CCSER1: variants seen among roughly 807,000 people sequenced by gnomAD.
The protein encoded by CCSER1 is coiled-coil serine rich protein 1.
In CCSER1, 41 loss-of-function variants were observed where a neutral mutation model predicts 82.0. The observed-to-expected ratio is 0.50, with a 90% CI of 0.39 to 0.65. The LOEUF (loss-of-function observed/expected upper bound fraction) is 0.65, where lower values mean the gene tolerates loss of function less well. Among genes scored for constraint, CCSER1 ranks in the 30% least tolerant of loss-of-function variants. The probability of loss-of-function intolerance (pLI) is 0.00; values close to 1 mark genes in which losing one functional copy is unlikely to be tolerated. For synonymous variants in CCSER1, 414 were observed against 383.9 expected, an observed-to-expected ratio of 1.08 and a Z score of -0.92; for missense variants, 1,119 against 1,064.2, an observed-to-expected ratio of 1.05 and a Z score of -0.72.
rs55717979 is a variant in CCSER1, at chr4:90,330,964, C to T, written c.1509+17917C>T. On this transcript the variant is annotated intron_variant, in intron 3 of 10. Transcript: ENST00000509176. Reference sequence around the variant, plus strand: ...GACTATTAAGTAATTTTTAGGAAATCAGAACAAGCGACCTATTCAAATGAT... The same window carrying T: ...GACTATTAAGTAATTTTTAGGAAATTAGAACAAGCGACCTATTCAAATGAT... Among the ~76,000 whole-genome samples, 533 of 152,148 alleles carry T rather than the reference C, an allele frequency of 3.5e-3. 3 individuals are homozygous for T. Among genetic ancestry groups the T allele is most frequent in the African/African-American group, 0.012 (504 of 41,526 alleles).
At chr4:90,486,774 G>T (rs1484375163) in intron 5 of CCSER1, among the ~76,000 whole-genome samples, 1 of 152,182 alleles carries the variant, frequency 6.6e-6, no homozygotes, top group Admixed American at 6.5e-5. Flanking sequence ...TATGAAGACT[G>T]TATAATTGGG....
chr4:90,442,176 C>T (rs905615222), intron 4 of CCSER1, among the ~76,000 whole-genome samples: 1 of 151,960 alleles, frequency 6.6e-6, no homozygotes, highest in Admixed American at 6.6e-5. Flanking sequence ...GGGGGGTCAT[C>T]ATTCTTAAGA....
At chr4:91,472,854 G>T (rs1422101266) in intron 10 of CCSER1, among the ~76,000 whole-genome samples, 2 of 152,222 alleles carry the variant, frequency 1.3e-5, no homozygotes, top group East Asian at 3.9e-4. Context: ...ATTTCCTCTG[G>T]ACACTGTTCT....
intron 10 of CCSER1, among the ~76,000 whole-genome samples, chr4:91,544,916 C>T (rs1323453268): frequency 6.6e-6 from 1 of 152,272 alleles, no homozygotes; most frequent in South Asian, 2.1e-4. Flanking sequence ...TTGGAGTCTA[C>T]AGAGGCAGGC....
intron 5 of CCSER1, among the ~76,000 whole-genome samples, chr4:90,469,278 A>T (rs1247059973): frequency 6.6e-6 from 1 of 152,016 alleles, no homozygotes; most frequent in African/African-American, 2.4e-5. Flanking sequence ...GAATAGGGCA[A>T]TGTATATATT....
intron 10 of CCSER1, among the ~76,000 whole-genome samples, chr4:91,227,719 T>C (rs1337011190): frequency 6.6e-6 from 1 of 151,866 alleles, no homozygotes; most frequent in Non-Finnish European, 1.5e-5. Flanking sequence ...TCCATCTTCA[T>C]GTCCACGTGT....
chr4:90,591,229 G>A (rs1560773364), intron 5 of CCSER1, among the ~76,000 whole-genome samples: 1 of 152,128 alleles, frequency 6.6e-6, no homozygotes, highest in East Asian at 1.9e-4. Context: ...CATGTCATCT[G>A]CAAACAGAGA....
intron 1 of CCSER1, among the ~76,000 whole-genome samples, chr4:90,136,952 A>G (rs902278049): frequency 6.6e-6 from 1 of 152,306 alleles, no homozygotes; most frequent in East Asian, 1.9e-4. Context: ...TATTTCAGGT[A>G]AAGTTTCAAT....
At chr4:91,582,066 A>T (rs1763753622) in intron 10 of CCSER1, among the ~76,000 whole-genome samples, 1 of 151,740 alleles carries the variant, frequency 6.6e-6, no homozygotes, top group South Asian at 2.1e-4. Flanking sequence ...ATAGAATCTA[A>T]TTTGAAAGTA....
At chr4:91,339,386 G>A (rs1415034053) in intron 10 of CCSER1, among the ~76,000 whole-genome samples, 1 of 151,872 alleles carries the variant, frequency 6.6e-6, no homozygotes, top group Non-Finnish European at 1.5e-5. Context: ...ATGAATCTTT[G>A]TTTTTGAATC....
intron 5 of CCSER1, among the ~76,000 whole-genome samples, chr4:90,526,897 T>C (rs1266991344): frequency 1.3e-5 from 2 of 152,162 alleles, no homozygotes; most frequent in Admixed American, 1.3e-4. Flanking sequence ...AGTAATGGGA[T>C]TGCTGGGTCA....
At chr4:90,258,004 G>A (rs990559933) in intron 1 of CCSER1, among the ~76,000 whole-genome samples, 1 of 152,144 alleles carries the variant, frequency 6.6e-6, no homozygotes, top group Non-Finnish European at 1.5e-5. Flanking sequence ...TACCTGGGCA[G>A]TCTGTGGTCC....
chr4:91,422,670 G>T (rs1162193776), intron 10 of CCSER1, among the ~76,000 whole-genome samples: 4 of 151,974 alleles, frequency 2.6e-5, no homozygotes, highest in Non-Finnish European at 5.9e-5. Flanking sequence ...TTTTGAAACA[G>T]ATTTCTGGCC....
intron 7 of CCSER1, among the ~76,000 whole-genome samples, chr4:90,746,373 C>T (rs1027858356): frequency 7.9e-5 from 12 of 152,094 alleles, no homozygotes; most frequent in African/African-American, 2.9e-4. Context: ...TCCTATCTTA[C>T]AGTAGTGATT....
intron 7 of CCSER1, among the ~76,000 whole-genome samples, chr4:90,794,929 G>T (rs182072544): frequency 6.6e-6 from 1 of 151,932 alleles, no homozygotes; most frequent in South Asian, 2.1e-4. Context: ...TGTGTGTGTG[G>T]CAACTGTAAA....
chr4:91,209,572 A>G lies in CCSER1; in HGVS notation c.2217+123578A>G, dbSNP rs1220403119. Among the ~76,000 whole-genome samples the G allele has an allele frequency of 3.3e-5, 5 of 152,050 alleles. No individual in the cohort carries two copies. The East Asian group carries it at 9.6e-4, about 29-fold the overall frequency. On this transcript the variant is annotated intron_variant, in intron 10 of 10. Coordinates refer to ENST00000509176, the MANE Select transcript of CCSER1 (RefSeq NM_001145065.2). ...TCCCAGGGATAAAGCCTACTTGATC[A>G]TGGTGGATTAGCTTTTTGATGTGCA...
At chr4:91,295,956 CTAAA>C (rs1451747169) in intron 10 of CCSER1, among the ~76,000 whole-genome samples, 6 of 151,940 alleles carry the variant, frequency 3.9e-5, no homozygotes, top group South Asian at 2.1e-4. Context: ...TTTATAGTAA[CTAAA>C]TAAAGATGTA....
chr4:91,601,467 T>C lies in CCSER1; in HGVS notation c.*2410T>C, dbSNP rs1764813498. On this transcript the variant is annotated 3_prime_UTR_variant, in exon 11 of 11. Transcript: ENST00000509176. ...AGAAGGTGTAAGCCCACTATGCTAA[T>C]GTACATCAGTAACTGTAAAACAGGG... 6.6e-6 allele frequency: 1 copy of C among 152,094 alleles called. No homozygotes were observed. The highest frequency in any genetic ancestry group is 2.4e-5 in the African/African-American group (1 of 41,458). 9.4% of individuals were successfully genotyped at this position (152,094 alleles called of 1,614,324 possible). A position where few individuals can be genotyped will look rare whatever the true frequency, so the allele number is the denominator to read the frequency against.
At chr4:90,395,479 C>G (rs1751815866) in intron 3 of CCSER1, among the ~76,000 whole-genome samples, 1 of 151,924 alleles carries the variant, frequency 6.6e-6, no homozygotes, top group Non-Finnish European at 1.5e-5. Context: ...AGGCTTTAAC[C>G]AAACTAAACC....
Sources: allele counts gnomAD v4.1 joint callset (sites outside exome capture counted in the v4.1 genomes callset), GRCh38; gene constraint gnomAD v4.1.1; transcripts MANE v1.5; gene names NCBI Gene and HGNC (gene_info 2026-07-23, HGNC 2026-07-21).